PDE1A: variants seen among roughly 807,000 people sequenced by gnomAD.
PDE1A encodes phosphodiesterase 1A.
In PDE1A, 35 loss-of-function variants were observed where a neutral mutation model predicts 61.7. The observed-to-expected ratio is 0.57, with a 90% confidence interval of 0.43 to 0.75. The LOEUF (loss-of-function observed/expected upper bound fraction) is 0.75, where lower values mean the gene tolerates loss of function less well. Among genes scored for constraint, PDE1A ranks in the 30% least tolerant of loss-of-function variants. The pLI is 0.00. For synonymous variants in PDE1A, 232 were observed against 213.2 expected (o/e 1.09, Z -0.77); for missense variants, 597 against 630.6 (o/e 0.95, Z 0.57).
In PDE1A at chr2:182,220,114, C is replaced by T. The variant is rs370918136; in HGVS notation, c.776+3750G>A. Reference sequence around the variant, plus strand: ...ATCATAAAGATGAAATAATATATGTCTTTAATAGCACATATTTCTAAAATA... The same window carrying T: ...ATCATAAAGATGAAATAATATATGTTTTTAATAGCACATATTTCTAAAATA... On this transcript the variant is annotated intron_variant, in intron 7 of 13. Transcript: ENST00000351439. Among the ~76,000 whole-genome samples the T allele has an allele frequency of 8.6e-5, 13 of 151,614 alleles. No homozygotes were observed. The South Asian group carries it at 2.5e-3, about 29-fold the overall frequency.
At chr2:182,331,453 T>C (rs1489945351) in intron 1 of PDE1A, among the ~76,000 whole-genome samples, 2 of 152,220 alleles carry the variant, frequency 1.3e-5, no homozygotes, top group Non-Finnish European at 2.9e-5. Context: ...CGATGGTCTT[T>C]ACAATTTGGG....
chr2:182,649,926 T>A, the PDE1A span, among the ~76,000 whole-genome samples: 4 of 152,048 alleles, frequency 2.6e-5, no homozygotes, highest in Non-Finnish European at 5.9e-5. Context: ...AATTTTTTTT[T>A]AAATTAGCCA....
intron 1 of PDE1A, among the ~76,000 whole-genome samples, chr2:182,304,273 A>AAT (rs1368906030): frequency 7.2e-5 from 11 of 152,140 alleles, no homozygotes; most frequent in African/African-American, 2.7e-4. Context: ...ATCTTCATAT[A>AAT]ATTGAAGAGA....
At chr2:182,514,481 A>G (rs754072762) in intron 2 of PDE1A, among the ~76,000 whole-genome samples, 4 of 152,212 alleles carry the variant, frequency 2.6e-5, no homozygotes, top group Non-Finnish European at 4.4e-5. Flanking sequence ...AAACGGACAC[A>G]TAGACCCATG....
chr2:182,345,031 T>C (rs1040901886), intron 1 of PDE1A, among the ~76,000 whole-genome samples: 3 of 152,222 alleles, frequency 2.0e-5, no homozygotes, highest in African/African-American at 7.2e-5. Flanking sequence ...TCAACCAGGA[T>C]ACCCTGGCTT....
the PDE1A span, among the ~76,000 whole-genome samples, chr2:182,605,947 A>T: frequency 7.2e-5 from 11 of 152,242 alleles, no homozygotes; most frequent in African/African-American, 2.6e-4. Flanking sequence ...CAGGTCTCAT[A>T]TTTTTTTAAT....
chr2:182,566,083 G>A, the PDE1A span, among the ~76,000 whole-genome samples: 3 of 152,058 alleles, frequency 2.0e-5, no homozygotes, highest in Admixed American at 6.6e-5. Context: ...GGTGGTTCAA[G>A]GTAGCTTCCA....
the PDE1A span, among the ~76,000 whole-genome samples, chr2:182,622,104 T>C: frequency 1.3e-5 from 2 of 152,234 alleles, no homozygotes; most frequent in Admixed American, 1.3e-4. Flanking sequence ...TAAATACTTT[T>C]ATTCATAAAA....
At chr2:182,268,670 G>C (rs1479943798) in intron 1 of PDE1A, among the ~76,000 whole-genome samples, 1 of 151,970 alleles carries the variant, frequency 6.6e-6, no homozygotes, top group Non-Finnish European at 1.5e-5. Context: ...CATCATCTTA[G>C]ATCCCAGTGC....
chr2:182,567,407 C>T, the PDE1A span, among the ~76,000 whole-genome samples: 1 of 152,126 alleles, frequency 6.6e-6, no homozygotes, highest in Non-Finnish European at 1.5e-5. Flanking sequence ...GCAGAAGAAA[C>T]CTGGAATGAT....
intron 2 of PDE1A, among the ~76,000 whole-genome samples, chr2:182,261,099 C>A (rs1052453556): frequency 1.3e-5 from 2 of 152,066 alleles, no homozygotes; most frequent in Non-Finnish European, 2.9e-5. Context: ...TACGTGTTAG[C>A]TACAGGATTT....
At chr2:182,598,845 C>A in the PDE1A span, among the ~76,000 whole-genome samples, 1 of 152,182 alleles carries the variant, frequency 6.6e-6, no homozygotes, top group Non-Finnish European at 1.5e-5. Flanking sequence ...TGGCTTAAAA[C>A]CACTTTACTA....
At chr2:182,167,829 AT>A (rs5836826), downstream of PDE1A, 365,176 of 699,284 alleles carry the variant, frequency 0.52, 91,187 homozygotes, top group Admixed American at 0.61. Context: ...GTAAAAGATA[AT>A]TTTTTTTTTT....
chr2:182,250,815 C>T (rs893702301), intron 2 of PDE1A, among the ~76,000 whole-genome samples: 4 of 152,078 alleles, frequency 2.6e-5, no homozygotes, highest in Non-Finnish European at 4.4e-5. Context: ...GTAAGACCTA[C>T]GGAGTGCTTG....
upstream of PDE1A, among the ~76,000 whole-genome samples, chr2:182,431,182 C>G (rs1338258712): frequency 6.7e-6 from 1 of 149,326 alleles, no homozygotes; most frequent in Non-Finnish European, 1.5e-5. Context: ...CTACCATTCA[C>G]CAAAATTAAA....
intron 1 of PDE1A, among the ~76,000 whole-genome samples, chr2:182,270,543 C>G (rs1050785757): frequency 2.5e-4 from 38 of 151,484 alleles, no homozygotes; most frequent in Non-Finnish European, 4.7e-4. Flanking sequence ...TGTGACAGAG[C>G]ATGAATAAAA....
chr2:182,380,104 CTCT>C (rs1559396470), intron 1 of PDE1A, among the ~76,000 whole-genome samples: 4 of 131,942 alleles, frequency 3.0e-5, no homozygotes, highest in Non-Finnish European at 4.8e-5. Flanking sequence ...GACCCAGCTC[CTCT>C]TTTTTTTTTT....
At chr2:182,513,493 G>C (rs985357591) in intron 2 of PDE1A, among the ~76,000 whole-genome samples, 4 of 152,268 alleles carry the variant, frequency 2.6e-5, no homozygotes, top group Middle Eastern at 3.4e-3. Context: ...CACCACAAAA[G>C]TACACTTAAG....
chr2:182,612,638 T>C, the PDE1A span, among the ~76,000 whole-genome samples: 2 of 152,188 alleles, frequency 1.3e-5, no homozygotes, highest in African/African-American at 2.4e-5. Context: ...AGAACGAAAA[T>C]GGCTTTCACT....
Sources: gnomAD v4.1 joint callset for allele counts (sites outside exome capture counted in the v4.1 genomes callset) on GRCh38, gnomAD v4.1.1 for gene constraint, MANE v1.5 for transcripts, NCBI Gene and HGNC (gene_info 2026-07-23, HGNC 2026-07-21) for gene names.